Variants in DOCK10 observed in about 807,000 individuals in gnomAD.
DOCK10 encodes the protein dedicator of cytokinesis protein 10.
Under a neutral mutation model 280.1 loss-of-function variants are expected in DOCK10, and 145 were observed. The ratio of observed to expected loss-of-function variants is 0.52; its 90% CI spans 0.45 to 0.59. The LOEUF (loss-of-function observed/expected upper bound fraction) is 0.59. Among genes scored for constraint, DOCK10 ranks in the 20% least tolerant of loss-of-function variants. The probability of loss-of-function intolerance (pLI) is 0.00; values close to 1 mark genes in which losing one functional copy is unlikely to be tolerated. For missense variants in DOCK10, 2,368 were observed against 2,651.7 expected, an observed-to-expected ratio of 0.89 and a Z score of 2.35; for synonymous variants, 915 against 942.2, an observed-to-expected ratio of 0.97 and a Z score of 0.53.
At chr2:224,939,934 A>G (rs771146743) in intron 1 of DOCK10, among the ~76,000 whole-genome samples, 2 of 152,112 alleles carry the variant, frequency 1.3e-5, no homozygotes, top group Non-Finnish European at 2.9e-5. Flanking sequence ...CTTTTGGCCT[A>G]TGTGGCACTC....
intron 23 of DOCK10, among the ~76,000 whole-genome samples, chr2:224,840,915 A>G (rs552049718): frequency 4.1e-4 from 63 of 152,360 alleles, no homozygotes; most frequent in Middle Eastern, 3.4e-3. Context: ...ACATAATGGA[A>G]TACTATACAG....
intron 1 of DOCK10, among the ~76,000 whole-genome samples, chr2:224,941,638 G>A (rs908583820): frequency 4.6e-5 from 7 of 152,194 alleles, no homozygotes; most frequent in African/African-American, 1.7e-4. Context: ...GAGGTCAGGA[G>A]TGCGAGACCA....
intron 1 of DOCK10, among the ~76,000 whole-genome samples, chr2:224,954,328 C>A (rs1156656943): frequency 6.6e-6 from 1 of 152,046 alleles, no homozygotes; most frequent in African/African-American, 2.4e-5. Flanking sequence ...AAATTATAGT[C>A]CAGAGATATG....
In DOCK10 at chr2:224,770,149, G is replaced by C. The variant is rs758739040; in HGVS notation, c.6444+62C>G. On this transcript the variant is annotated intron_variant, in intron 55 of 55. Transcript: ENST00000258390. The surrounding 1 kb of genome is among the most constrained non-coding windows in gnomAD (Gnocchi z 4.5). ...AAAGGGCCTCTTTCCTGTCCTTCTG[G>C]CATTGGGAGCGAAAGGGACTTTCTG... The C allele has an allele frequency of 4.8e-5, 68 of 1,427,342 alleles. No homozygotes were observed. Among genetic ancestry groups the C allele is most frequent in the Middle Eastern group, 2.4e-4 (1 of 4,242 alleles). The allele number at this position is 1,427,342 out of a possible 1,614,324, so 88.4% of individuals were successfully genotyped here.
intron 31 of DOCK10, among the ~76,000 whole-genome samples, chr2:224,811,197 T>C (rs1693747205): frequency 6.6e-6 from 1 of 152,220 alleles, no homozygotes; most frequent in Non-Finnish European, 1.5e-5. Flanking sequence ...TGAGATGATA[T>C]CTCATTGTGG....
intron 11 of DOCK10, among the ~76,000 whole-genome samples, chr2:224,872,334 A>G (rs939657716): frequency 2.0e-5 from 3 of 152,236 alleles, no homozygotes; most frequent in Admixed American, 6.5e-5. Context: ...ACCATGTGTA[A>G]CCACAACAAT....
Position 224,770,533 on chromosome 2 carries a change from C to A in DOCK10, c.6305+12G>T, listed in dbSNP as rs554496052. On this transcript the variant is annotated intron_variant, in intron 54 of 55. Transcript: ENST00000258390. The surrounding 1 kb of genome is among the most constrained non-coding windows in gnomAD (Gnocchi z 4.5). ...AGTTCAAGGAAGAACATCCCAACAG[C>A]GAGAAGCTTACCTGAAGATCTCCTT... 3 of 1,608,190 alleles carry A rather than the reference C, an allele frequency of 1.9e-6. No homozygotes were observed. The highest frequency in any genetic ancestry group is 4.5e-5 in the East Asian group (2 of 44,846).
At chr2:225,040,393 C>T (rs1356095093) in intron 1 of DOCK10, among the ~76,000 whole-genome samples, 2 of 152,140 alleles carry the variant, frequency 1.3e-5, no homozygotes, top group African/African-American at 4.8e-5. Flanking sequence ...CAAGGGGAGT[C>T]AGGACCACCT....
In DOCK10 at chr2:224,784,867, T is replaced by A. The variant is rs1057488001; in HGVS notation, c.5655+2155A>T. 1.1e-5 allele frequency: 9 copies of A among 833,792 alleles called. 1 individual carries two copies. The highest frequency in any genetic ancestry group is 1.4e-5 in the Non-Finnish European group (8 of 576,024). The allele number at this position is 833,792 out of a possible 1,614,324, so 51.6% of individuals were successfully genotyped here. On this transcript the variant is annotated intron_variant, in intron 50 of 55. Coordinates refer to ENST00000258390, the MANE Select transcript of DOCK10 (RefSeq NM_014689.3). ...TCTCATATATTGGTTGCAGAAACCA[T>A]CTGGTAGGCAATCCTGTTTTCATGA...
chr2:224,985,769 G>A (rs1191642029), intron 1 of DOCK10, among the ~76,000 whole-genome samples: 1 of 152,132 alleles, frequency 6.6e-6, no homozygotes, highest in African/African-American at 2.4e-5. Context: ...AACAAATCTT[G>A]ACTAATGAAT....
rs912291649 is a variant in DOCK10, at chr2:224,952,742, G to T, written c.124-21074C>A. 2.0e-5 allele frequency among the ~76,000 whole-genome samples: 3 copies of T among 151,536 alleles called. No homozygotes were observed. In the East Asian group the frequency reaches 5.8e-4, roughly 29 times the overall value. On this transcript the variant is annotated intron_variant, in intron 1 of 55. Transcript: ENST00000258390. ...CAAGTAGCTGGGACTACAGGCGCCCGCCACTACGCCCGGCTAATTTTTTGT... is the reference window on the plus strand; with the variant it reads ...CAAGTAGCTGGGACTACAGGCGCCCTCCACTACGCCCGGCTAATTTTTTGT...
At chr2:224,791,193 A>G (rs1442298697) in intron 47 of DOCK10, among the ~76,000 whole-genome samples, 2 of 152,198 alleles carry the variant, frequency 1.3e-5, no homozygotes, top group East Asian at 3.9e-4. Flanking sequence ...TGTTCTTAGA[A>G]TTTGAAAGTC....
intron 51 of DOCK10, among the ~76,000 whole-genome samples, chr2:224,776,834 G>A (rs1460334712): frequency 6.6e-6 from 1 of 152,134 alleles, no homozygotes; most frequent in Non-Finnish European, 1.5e-5. Flanking sequence ...TTTGCTTCCA[G>A]AAAACTAACT....
intron 18 of DOCK10, 125 bp from the exon 19 acceptor site, chr2:224,849,724 C>T (rs1696602563): frequency 3.1e-6 from 2 of 651,350 alleles, no homozygotes; most frequent in Non-Finnish European, 5.5e-6. Flanking sequence ...ACTTGCCAGG[C>T]TAAGCTGGCA....
intron 46 of DOCK10, 85 bp from the exon 47 acceptor site, chr2:224,793,157 A>C: frequency 9.4e-7 from 1 of 1,062,908 alleles, no homozygotes; most frequent in Non-Finnish European, 1.4e-6. Flanking sequence ...TTAGCCAATG[A>C]TGCATTCTCG....
intron 2 of DOCK10, among the ~76,000 whole-genome samples, chr2:224,926,185 A>G (rs1395553959): frequency 1.3e-5 from 2 of 152,230 alleles, no homozygotes; most frequent in Non-Finnish European, 2.9e-5. Flanking sequence ...CAGAACCCAC[A>G]TACAAGGAGG....
At chr2:225,007,138 G>A (rs1689297518) in intron 1 of DOCK10, among the ~76,000 whole-genome samples, 1 of 152,160 alleles carries the variant, frequency 6.6e-6, no homozygotes, top group Non-Finnish European at 1.5e-5. Context: ...AGAAAAAGGT[G>A]GTTAGCAGGT....
chr2:225,038,625 T>C (rs1026601874), intron 1 of DOCK10, among the ~76,000 whole-genome samples: 3 of 152,214 alleles, frequency 2.0e-5, no homozygotes, highest in African/African-American at 7.2e-5. Context: ...GGATGCTTTC[T>C]CTTTAAAATG....
At chr2:224,854,634 G>C (rs914487877) in intron 16 of DOCK10, among the ~76,000 whole-genome samples, 28 of 152,236 alleles carry the variant, frequency 1.8e-4, no homozygotes, top group African/African-American at 6.7e-4. Context: ...ACCCTCCGGG[G>C]TTTTGAGGAT....
Sources: allele counts gnomAD v4.1 joint callset (sites outside exome capture counted in the v4.1 genomes callset), GRCh38; gene constraint gnomAD v4.1.1; non-coding constraint Gnocchi (gnomAD v3.1); transcripts MANE v1.5; gene names NCBI Gene and HGNC (gene_info 2026-07-23, HGNC 2026-07-21).